Variants in ADAMTSL1 observed in about 807,000 individuals in gnomAD.
ADAMTSL1 encodes the protein ADAMTS like 1, also known as ADAMTS-like protein 1.
A neutral mutation model predicts 201.8 loss-of-function variants in ADAMTSL1; 126 were observed. The ratio of observed to expected loss-of-function variants is 0.62; its 90% CI spans 0.54 to 0.72. The LOEUF (loss-of-function observed/expected upper bound fraction) is 0.72. ADAMTSL1 is among the 30% of genes least tolerant of loss of function. The pLI is 0.00. For missense variants in ADAMTSL1, 2,679 were observed against 2,277.8 expected (o/e 1.18, Z -3.59); for synonymous variants, 1,121 against 903.4 (o/e 1.24, Z -4.32).
chr9:17,926,180 C>T (rs1329048966), intron 1 of ADAMTSL1, among the ~76,000 whole-genome samples: 2 of 152,068 alleles, frequency 1.3e-5, no homozygotes, highest in African/African-American at 4.8e-5. Context: ...TGAAGAATGA[C>T]TATTGTGATG....
chr9:18,008,996 A>T (rs1329793158), intron 1 of ADAMTSL1, among the ~76,000 whole-genome samples: 1 of 152,004 alleles, frequency 6.6e-6, no homozygotes, highest in Admixed American at 6.6e-5. Context: ...GGTGAGCAGC[A>T]AGAATGACTA....
intron 1 of ADAMTSL1, among the ~76,000 whole-genome samples, chr9:18,127,912 C>CA (rs1167103564): frequency 6.6e-6 from 1 of 152,114 alleles, no homozygotes; most frequent in Admixed American, 6.5e-5. Context: ...CTTAATGTGG[C>CA]ATGTAGCATG....
At chr9:18,062,937 A>G (rs1173378052) in intron 1 of ADAMTSL1, among the ~76,000 whole-genome samples, 1 of 152,228 alleles carries the variant, frequency 6.6e-6, no homozygotes, top group East Asian at 1.9e-4. Context: ...TGTTGAAAAG[A>G]AACTATTTTG....
chr9:17,979,147 GTCT>G (rs958890478), intron 1 of ADAMTSL1, among the ~76,000 whole-genome samples: 107 of 152,160 alleles, frequency 7.0e-4, no homozygotes, highest in African/African-American at 2.4e-3. Flanking sequence ...ATCTGATAAA[GTCT>G]TCTTTGGGTT....
At chr9:18,666,706 A>C (rs554379103) in intron 9 of ADAMTSL1, among the ~76,000 whole-genome samples, 8 of 152,310 alleles carry the variant, frequency 5.3e-5, no homozygotes, top group Non-Finnish European at 1.2e-4. Context: ...GTGAAAGGTC[A>C]GGTCCATCAT....
intron 2 of ADAMTSL1, among the ~76,000 whole-genome samples, chr9:18,290,015 G>T (rs1033978716): frequency 1.3e-5 from 2 of 152,154 alleles, no homozygotes; most frequent in Non-Finnish European, 2.9e-5. Context: ...CTTCACAGCA[G>T]GTTCAAAGAG....
chr9:18,841,390 C>T (rs549563497), intron 23 of ADAMTSL1, among the ~76,000 whole-genome samples: 1 of 152,158 alleles, frequency 6.6e-6, no homozygotes, highest in African/African-American at 2.4e-5. Flanking sequence ...ATGAAGCCCA[C>T]TTGATCATGG....
chr9:18,272,682 C>T (rs1832426450), intron 2 of ADAMTSL1, among the ~76,000 whole-genome samples: 2 of 152,128 alleles, frequency 1.3e-5, no homozygotes, highest in Admixed American at 1.3e-4. Flanking sequence ...GGATACTGAC[C>T]TATTCCTACC....
intron 4 of ADAMTSL1, among the ~76,000 whole-genome samples, chr9:18,593,339 G>T (rs1406920119): frequency 6.6e-6 from 1 of 151,776 alleles, no homozygotes; most frequent in Non-Finnish European, 1.5e-5. Flanking sequence ...AATTTTATTT[G>T]TCTTCTCTAA....
At chr9:18,347,160 G>A (rs1835760556) in intron 2 of ADAMTSL1, among the ~76,000 whole-genome samples, 1 of 151,736 alleles carries the variant, frequency 6.6e-6, no homozygotes, top group Admixed American at 6.6e-5. Context: ...CCACTTGTAG[G>A]GCAATAAATG....
chr9:18,528,704 C>G (rs905763736), intron 2 of ADAMTSL1, among the ~76,000 whole-genome samples: 1 of 152,032 alleles, frequency 6.6e-6, no homozygotes, highest in Non-Finnish European at 1.5e-5. Context: ...AAAATATATT[C>G]TAATACTTAT....
At chr9:18,129,860 C>G (rs916708556) in intron 1 of ADAMTSL1, among the ~76,000 whole-genome samples, 3 of 152,178 alleles carry the variant, frequency 2.0e-5, no homozygotes, top group African/African-American at 4.8e-5. Flanking sequence ...GAAACCTTCC[C>G]TTGTTCCCCA....
chr9:18,181,231 G>A (rs1235457411), intron 2 of ADAMTSL1, among the ~76,000 whole-genome samples: 13 of 152,292 alleles, frequency 8.5e-5, no homozygotes, highest in East Asian at 5.8e-4. Context: ...CATGGGCAAG[G>A]ACTTCATGTC....
intron 2 of ADAMTSL1, among the ~76,000 whole-genome samples, chr9:18,263,210 G>A (rs1438754169): frequency 1.3e-5 from 2 of 152,102 alleles, no homozygotes; most frequent in Non-Finnish European, 2.9e-5. Context: ...GGACTGAAGG[G>A]GACACAGGGG....
chr9:18,002,846 C>T (rs1819667291), intron 1 of ADAMTSL1, among the ~76,000 whole-genome samples: 1 of 151,992 alleles, frequency 6.6e-6, no homozygotes, highest in Non-Finnish European at 1.5e-5. Flanking sequence ...TTACCCAGAG[C>T]CAGATAACTA....
At chr9:18,284,314 T>C (rs1832914870) in intron 2 of ADAMTSL1, among the ~76,000 whole-genome samples, 1 of 152,070 alleles carries the variant, frequency 6.6e-6, no homozygotes, top group South Asian at 2.1e-4. Flanking sequence ...CTTTTTATTT[T>C]CCCCCTTTCT....
At chr9:18,323,957 T>G (rs1157060020) in intron 2 of ADAMTSL1, among the ~76,000 whole-genome samples, 1 of 152,190 alleles carries the variant, frequency 6.6e-6, no homozygotes, top group Non-Finnish European at 1.5e-5. Flanking sequence ...CAGGCTTTTT[T>G]GTAGACATTG....
At chr9:18,028,946 G>C (rs1329516570) in intron 1 of ADAMTSL1, among the ~76,000 whole-genome samples, 7 of 152,138 alleles carry the variant, frequency 4.6e-5, no homozygotes, top group Non-Finnish European at 1.0e-4. Flanking sequence ...TTGAGCAGTG[G>C]TTTGTAGTTC....
At chr9:18,152,723 G>A (rs1563770926) in intron 1 of ADAMTSL1, among the ~76,000 whole-genome samples, 1 of 151,958 alleles carries the variant, frequency 6.6e-6, no homozygotes, top group Non-Finnish European at 1.5e-5. Flanking sequence ...TGGTGAGCTT[G>A]GAGAGAGTGG....
Sources: allele counts gnomAD v4.1 joint callset (sites outside exome capture counted in the v4.1 genomes callset), GRCh38; gene constraint gnomAD v4.1.1; transcripts MANE v1.5; gene names NCBI Gene and HGNC (gene_info 2026-07-23, HGNC 2026-07-21).